The following TRIO variants were observed in gnomAD, a reference collection of about 807,000 sequenced individuals.
TRIO encodes the protein trio Rho guanine nucleotide exchange factor, also known as triple functional domain protein.
In TRIO, 58 loss-of-function variants were observed where a neutral mutation model predicts 351.9. That is an observed-to-expected ratio of 0.16 (90% CI 0.13 to 0.21). TRIO has a LOEUF of 0.21. Among genes scored for constraint, TRIO ranks in the 10% least tolerant of loss-of-function variants. The pLI is 1.00. For missense variants in TRIO, 3,201 were observed against 4,027.8 expected (o/e 0.79, Z 5.56); for synonymous variants, 1,758 against 1,595.7 (o/e 1.10, Z -2.42).
Position 14,394,043 on chromosome 5 carries a change from A to G in TRIO, c.4224A>G (p.Ile1408Met). ...LEHAGSYFDE[I>M]QQRHGLANSI... ...CTTGTTTGGTTTTAATACAGGAGAT[A>G]CAGCAGCGACATGGATTAGCCAATT... Residue 1408 changes from isoleucine (I) to methionine (M), a missense_variant, in exon 28 of 57, where the codon ATA becomes ATG. Around this residue, in one of 19 missense-constraint regions of TRIO, gnomAD observed 115 missense variants for 239.6 expected, o/e 0.48. Coordinates refer to ENST00000344204, the MANE Select transcript of TRIO (RefSeq NM_007118.4). The G allele has an allele frequency of 6.2e-7, 1 of 1,611,972 alleles. No individual in the cohort carries two copies. The highest frequency in any genetic ancestry group is 8.5e-7 in the Non-Finnish European group (1 of 1,178,790).
At chr5:14,262,030 G>C (rs1438952396) in intron 1 of TRIO, among the ~76,000 whole-genome samples, 1 of 150,612 alleles carries the variant, frequency 6.6e-6, no homozygotes, top group Non-Finnish European at 1.5e-5. Context: ...GCCCAGAACT[G>C]CGAATTGTAG....
At chr5:14,146,492 G>A (rs1276812477) in intron 1 of TRIO, among the ~76,000 whole-genome samples, 1 of 152,090 alleles carries the variant, frequency 6.6e-6, no homozygotes, top group Non-Finnish European at 1.5e-5. Flanking sequence ...ATTCGGCTTT[G>A]TCTTTGTAGC....
chr5:14,488,634 C>T, intron 48 of TRIO: 3 of 515,912 alleles, frequency 5.8e-6, no homozygotes, highest in Non-Finnish European at 1.0e-5. Flanking sequence ...TAAATTGAAA[C>T]CTGTACACTT....
chr5:14,406,374 G>A (rs1230455701), intron 32 of TRIO, 199 bp from the exon 33 acceptor site: 3 of 593,020 alleles, frequency 5.1e-6, no homozygotes, highest in Non-Finnish European at 9.0e-6. Context: ...AATCCAACAG[G>A]ATGATATGTT....
At chr5:14,263,781 A>G (rs1795491486) in intron 1 of TRIO, among the ~76,000 whole-genome samples, 1 of 152,204 alleles carries the variant, frequency 6.6e-6, no homozygotes, top group East Asian at 1.9e-4. Flanking sequence ...ATATATGTAG[A>G]TAAGGGTGGG....
intron 1 of TRIO, among the ~76,000 whole-genome samples, chr5:14,249,712 A>G (rs1222046016): frequency 2.0e-5 from 3 of 152,178 alleles, no homozygotes; most frequent in African/African-American, 7.2e-5. Context: ...TAATAGAATT[A>G]TGTAAAAATG....
chr5:14,287,151 A>C, intron 4 of TRIO, 88 bp downstream of exon 4: 1 of 1,316,884 alleles, frequency 7.6e-7, no homozygotes, highest in Non-Finnish European at 1.1e-6. Context: ...TTTTTTTTTA[A>C]ACCACATATT....
chr5:14,353,480 T>C (rs1579407315), intron 11 of TRIO, among the ~76,000 whole-genome samples: 1 of 152,030 alleles, frequency 6.6e-6, no homozygotes, highest in African/African-American at 2.4e-5. Context: ...GCCAGGCTGG[T>C]CTCAAACTCC....
At chr5:14,244,035 G>A (rs183050071) in intron 1 of TRIO, among the ~76,000 whole-genome samples, 17 of 152,284 alleles carry the variant, frequency 1.1e-4, no homozygotes, top group Middle Eastern at 3.4e-3. Flanking sequence ...GCTGACCAAG[G>A]GGAGGCAATT....
chr5:14,306,655 G>A (rs1410662472), intron 8 of TRIO, among the ~76,000 whole-genome samples: 3 of 152,072 alleles, frequency 2.0e-5, no homozygotes, highest in Non-Finnish European at 4.4e-5. Context: ...GGCTTGAATA[G>A]CCTTCATTTA....
chr5:14,488,656 C>T (rs2126643218), intron 48 of TRIO: 1 of 526,562 alleles, frequency 1.9e-6, no homozygotes, highest in South Asian at 2.5e-5. Flanking sequence ...AAGCTTTTTG[C>T]TCATCGCTTG....
intron 1 of TRIO, among the ~76,000 whole-genome samples, chr5:14,211,027 A>G (rs569302400): frequency 3.0e-4 from 46 of 152,244 alleles, no homozygotes; most frequent in African/African-American, 1.1e-3. Flanking sequence ...ATTTTTGGAA[A>G]TTGCTGAGGT....
At chr5:14,288,589 C>T (rs1409639547) in intron 4 of TRIO, among the ~76,000 whole-genome samples, 1 of 151,868 alleles carries the variant, frequency 6.6e-6, no homozygotes, top group Admixed American at 6.6e-5. Flanking sequence ...ATGGCGTGAA[C>T]CTGGGAGGCA....
At chr5:14,316,846 T>A in intron 9 of TRIO, 103 bp downstream of exon 9, 1 of 1,305,708 alleles carries the variant, frequency 7.7e-7, no homozygotes, top group Non-Finnish European at 1.1e-6. Flanking sequence ...GAGTGATGAC[T>A]AGAAGATAAG....
At chr5:14,386,494 T>C (rs773180644) in intron 21 of TRIO, among the ~76,000 whole-genome samples, 14 of 152,238 alleles carry the variant, frequency 9.2e-5, no homozygotes, top group Non-Finnish European at 1.2e-4. Context: ...TGGGGATTTT[T>C]AAAGTCAGTT....
Position 14,374,222 on chromosome 5 carries a change from T to A in TRIO, c.3217-7T>A, listed in dbSNP as rs1745366567. 1 of 1,612,248 alleles carries A rather than the reference T, an allele frequency of 6.2e-7. No homozygotes were observed. Among genetic ancestry groups the A allele is most frequent in the Admixed American group, 1.7e-5 (1 of 59,924 alleles). On this transcript the variant is annotated splice_region_variant and splice_polypyrimidine_tract_variant and intron_variant, in intron 18 of 56. Coordinates refer to ENST00000344204, the MANE Select transcript of TRIO (RefSeq NM_007118.4). The stretch of plus-strand genomic sequence containing the variant: ...TTAGCAACACATTGCTCTCCATTGT[T>A]TTTTAGGCTTGCACCCTTGCTCGGA...
chr5:14,358,869 C>G (rs911383684), intron 12 of TRIO, among the ~76,000 whole-genome samples: 2 of 152,204 alleles, frequency 1.3e-5, no homozygotes, highest in African/African-American at 2.4e-5. Context: ...GACCATTTAA[C>G]CCCCTACTGT....
Position 14,461,209 on chromosome 5 carries a change from C to G in TRIO, c.5394C>G (p.His1798Gln). Residue 1798 changes from histidine to glutamine, a missense_variant, in exon 35 of 57, where the codon CAC (histidine) becomes CAG (glutamine). By Grantham distance (24) the His-to-Gln change is conservative (BLOSUM62 0). Around this residue, in one of 19 missense-constraint regions of TRIO, gnomAD observed 193 missense variants for 218.8 expected, o/e 0.88. Transcript: ENST00000344204. ...ACGGGCACGTGAAGAAGCTGGCGCACAAGCACAAGAAGAGCCGCGAGGTCC... is the reference window on the plus strand; with the variant it reads ...ACGGGCACGTGAAGAAGCTGGCGCAGAAGCACAAGAAGAGCCGCGAGGTCC... ...KADGHVKKLA[H>Q]KHKKSREVRK... 1 of 1,570,312 alleles carries G rather than the reference C, an allele frequency of 6.4e-7. No homozygotes were observed.
chr5:14,451,446 G>A (rs776973269), intron 34 of TRIO, among the ~76,000 whole-genome samples: 37 of 152,144 alleles, frequency 2.4e-4, no homozygotes, highest in South Asian at 6.2e-4. Flanking sequence ...AACCAACACC[G>A]TCAACAGTCA....
Sources: gnomAD v4.1 joint callset for allele counts (sites outside exome capture counted in the v4.1 genomes callset) on GRCh38, gnomAD v4.1.1 for gene constraint, gnomAD v4.1.1 regional missense constraint, MANE v1.5 for transcripts, NCBI Gene and HGNC (gene_info 2026-07-23, HGNC 2026-07-21) for gene names.